The following SERPINE2 variants were observed in gnomAD, a reference collection of about 807,000 sequenced individuals.
SERPINE2 encodes the protein serpin family E member 2, also known as glia-derived nexin.
A neutral mutation model predicts 36.3 loss-of-function variants in SERPINE2; 14 were observed. The observed-to-expected ratio is 0.39, with a 90% CI of 0.25 to 0.60. The LOEUF (loss-of-function observed/expected upper bound fraction) is 0.60. SERPINE2 is among the 20% of genes least tolerant of loss of function. The probability of loss-of-function intolerance (pLI) is 0.57; values close to 1 mark genes in which losing one functional copy is unlikely to be tolerated. For missense variants in SERPINE2, 418 were observed against 499.6 expected, an observed-to-expected ratio of 0.84 and a Z score of 1.56; for synonymous variants, 192 against 191.8, an observed-to-expected ratio of 1.00 and a Z score of -0.01.
chr2:223,996,581 G>A (rs1559203236), intron 3 of SERPINE2, among the ~76,000 whole-genome samples: 2 of 152,220 alleles, frequency 1.3e-5, no homozygotes, highest in Admixed American at 1.3e-4. Flanking sequence ...GAGGCAGACT[G>A]GGAGTTGCCA....
rs756139878 is a variant in SERPINE2 at position 223,975,827 on chromosome 2, A to G, written c.*40T>C. Reference sequence around the variant, plus strand: ...CAGGAAAGGAGTCTTTCTTCGTAGCAAAGTAGTCGTTGCTTTGCATGGTTT... The same window carrying G: ...CAGGAAAGGAGTCTTTCTTCGTAGCGAAGTAGTCGTTGCTTTGCATGGTTT... On this transcript the variant is annotated 3_prime_UTR_variant, in exon 9 of 9. Coordinates refer to ENST00000409304, the MANE Select transcript of SERPINE2 (RefSeq NM_001136528.2). The G allele has an allele frequency of 1.3e-6, 2 of 1,513,388 alleles. No individual in the cohort carries two copies. Among genetic ancestry groups the G allele is most frequent in the Non-Finnish European group, 1.8e-6 (2 of 1,115,706 alleles). 93.7% of individuals were successfully genotyped at this position (1,513,388 alleles called of 1,614,324 possible).
intron 1 of SERPINE2, among the ~76,000 whole-genome samples, chr2:224,011,001 G>C (rs114750941): frequency 1.3e-5 from 2 of 152,140 alleles, no homozygotes; most frequent in Non-Finnish European, 2.9e-5. Context: ...GCGTTTTGCC[G>C]TCTCTGTAAG....
At position 224,005,092 on chromosome 2, in the gene SERPINE2, TATATAA is replaced by T. The variant is rs1355929099; in HGVS notation, c.-22-3176_-22-3171del. 8.1e-4 allele frequency among the ~76,000 whole-genome samples: 101 copies of T among 124,728 alleles called. 2 individuals carry two copies. The highest frequency in any genetic ancestry group is 4.2e-3 in the Middle Eastern group (1 of 236). The allele number at this position is 124,728 out of a possible 152,430, so 81.8% of individuals were successfully genotyped here. A position where few individuals can be genotyped will look rare whatever the true frequency, so the allele number is the denominator to read the frequency against. On this transcript the variant is annotated intron_variant, in intron 1 of 8. Transcript: ENST00000409304. ...ATATATATATATATATATATATATA[TATATAA>T]AACATTGTAAAAACAGGGTGAAAGG...
At chr2:224,035,329 G>C (rs1199214202) in intron 1 of SERPINE2, among the ~76,000 whole-genome samples, 1 of 152,162 alleles carries the variant, frequency 6.6e-6, no homozygotes, top group African/African-American at 2.4e-5. Context: ...CCCAGCAGCA[G>C]CTGAGGTTTG....
chr2:224,038,073 A>C (rs1365075511), intron 1 of SERPINE2, among the ~76,000 whole-genome samples: 1 of 152,214 alleles, frequency 6.6e-6, no homozygotes, highest in Non-Finnish European at 1.5e-5. Context: ...TAGGATATAC[A>C]AATTAGCAAT....
Position 223,991,677 on chromosome 2 carries a change from C to A in SERPINE2, c.685+126G>T, listed in dbSNP as rs1427623065. ...TTATAAAAATCCTGCCTCTCAGCAC[C>A]CTGCTCTGTTCCCCAGTTTTTTAAA... On this transcript the variant is annotated intron_variant, in intron 4 of 8. Coordinates refer to ENST00000409304, the MANE Select transcript of SERPINE2 (RefSeq NM_001136528.2). 10 of 973,538 alleles carry A rather than the reference C, an allele frequency of 1.0e-5. No individual in the cohort carries two copies. In the East Asian group the frequency reaches 2.6e-4, roughly 25 times the overall value. 60.3% of individuals were successfully genotyped at this position (973,538 alleles called of 1,614,324 possible).
intron 1 of SERPINE2, among the ~76,000 whole-genome samples, chr2:224,035,942 T>C (rs2106207484): frequency 6.6e-6 from 1 of 152,152 alleles, no homozygotes; most frequent in East Asian, 1.9e-4. Context: ...GAGCCTGGCA[T>C]CACCGTGAGA....
intron 1 of SERPINE2, among the ~76,000 whole-genome samples, chr2:224,007,703 C>A (rs75965372): frequency 1.3e-5 from 2 of 152,094 alleles, no homozygotes; most frequent in African/African-American, 4.8e-5. Flanking sequence ...ACTGGTTACA[C>A]CTCTTGCCTT....
rs142207920 is a variant in SERPINE2 at position 223,994,059 on chromosome 2, C to T, written c.488-2059G>A. On this transcript the variant is annotated intron_variant, in intron 3 of 8. Transcript: ENST00000409304. ...GCCTTTAAGACATAGCTCAATGGTCCCCTGGACTTCTAAATCTTCTCTGAT... is the reference window on the plus strand; with the variant it reads ...GCCTTTAAGACATAGCTCAATGGTCTCCTGGACTTCTAAATCTTCTCTGAT... Among the ~76,000 whole-genome samples, 508 of 152,286 alleles carry T rather than the reference C, an allele frequency of 3.3e-3. 2 individuals carry two copies. The highest frequency in any genetic ancestry group is 0.012 in the African/African-American group (489 of 41,556).
chr2:224,008,108 C>A (rs146707994), intron 1 of SERPINE2, among the ~76,000 whole-genome samples: 1 of 152,186 alleles, frequency 6.6e-6, no homozygotes, highest in Non-Finnish European at 1.5e-5. Context: ...AGGGACTGAT[C>A]AGATTCAAGT....
At chr2:223,978,131 A>G (rs1690081042) in intron 7 of SERPINE2, 1 of 154,074 alleles carries the variant, frequency 6.5e-6, no homozygotes, top group Non-Finnish European at 1.4e-5. Context: ...TCCCGGGTTC[A>G]AGCGATTCTC....
chr2:224,006,522 G>A (rs1367717337), intron 1 of SERPINE2, among the ~76,000 whole-genome samples: 1 of 152,074 alleles, frequency 6.6e-6, no homozygotes, highest in Non-Finnish European at 1.5e-5. Flanking sequence ...AATTCCTATA[G>A]CATTTCCTAT....
At chr2:224,017,266 CTT>C (rs35387795) in intron 1 of SERPINE2, among the ~76,000 whole-genome samples, 63 of 149,806 alleles carry the variant, frequency 4.2e-4, no homozygotes, top group South Asian at 4.2e-4. Flanking sequence ...TGAATTACTA[CTT>C]TTTTTTTTTT....
chr2:224,029,838 A>G (rs1181526618), intron 1 of SERPINE2, among the ~76,000 whole-genome samples: 2 of 152,178 alleles, frequency 1.3e-5, no homozygotes, highest in Non-Finnish European at 2.9e-5. Context: ...AGCTGGGATT[A>G]CGGGCGTGCG....
At position 223,984,929 on chromosome 2, in the gene SERPINE2, T is replaced by A. The variant is rs1272553706; in HGVS notation, c.707A>T (p.Asp236Val). The A allele has an allele frequency of 3.1e-6, 5 of 1,614,174 alleles. No individual in the cohort carries two copies. Among genetic ancestry groups the A allele is most frequent in the Non-Finnish European group, 4.2e-6 (5 of 1,180,038 alleles). The change falls in exon 5 of 9, where the codon GAT becomes GTT. Residue 236 changes from aspartate (D) to valine (V), a missense_variant. Coordinates refer to ENST00000409304, the MANE Select transcript of SERPINE2 (RefSeq NM_001136528.2). The stretch of plus-strand genomic sequence containing the variant: ...CAGTTCAATGAAGTTGTACCATAAA[T>A]CATTGGGGGCACTTGTCGACCCTAA... Reference protein sequence around the residue: ...FRCGSTSAPNDLWYNFIELPY... With the variant: ...FRCGSTSAPNVLWYNFIELPY...
intron 1 of SERPINE2, among the ~76,000 whole-genome samples, chr2:224,027,494 A>G (rs1448720805): frequency 6.6e-6 from 1 of 152,160 alleles, no homozygotes; most frequent in Non-Finnish European, 1.5e-5. Flanking sequence ...TGACCTCCCA[A>G]ACATGTCACT....
chr2:223,988,768 G>A (rs570613382), intron 4 of SERPINE2, among the ~76,000 whole-genome samples: 11 of 152,242 alleles, frequency 7.2e-5, no homozygotes, highest in African/African-American at 2.6e-4. Flanking sequence ...AATACTCACT[G>A]CAGTGTTGTT....
At chr2:224,020,574 G>A (rs568842033) in intron 1 of SERPINE2, among the ~76,000 whole-genome samples, 7 of 152,194 alleles carry the variant, frequency 4.6e-5, no homozygotes, top group East Asian at 1.9e-4. Context: ...GCAGGAATGC[G>A]AAATGATTTC....
At chr2:224,028,815 A>G (rs1204785242) in intron 1 of SERPINE2, among the ~76,000 whole-genome samples, 1 of 152,212 alleles carries the variant, frequency 6.6e-6, no homozygotes, top group East Asian at 1.9e-4. Flanking sequence ...GGAGGAGCCC[A>G]AAAGAATAAG....
Sources: allele counts gnomAD v4.1 joint callset (sites outside exome capture counted in the v4.1 genomes callset), GRCh38; gene constraint gnomAD v4.1.1; transcripts MANE v1.5; gene names NCBI Gene and HGNC (gene_info 2026-07-23, HGNC 2026-07-21).